Variants in GLIS3 observed in about 807,000 individuals in gnomAD.
GLIS3 encodes the protein GLIS family zinc finger 3.
A neutral mutation model predicts 78.6 loss-of-function variants in GLIS3; 53 were observed. The ratio of observed to expected loss-of-function variants is 0.67; its 90% CI spans 0.54 to 0.85. The LOEUF is 0.85. Among genes scored for constraint, GLIS3 ranks in the 40% least tolerant of loss-of-function variants. The pLI, the probability that GLIS3 is intolerant of heterozygous loss-of-function variation, is 0.00. For missense variants in GLIS3, 1,703 were observed against 1,231.1 expected (o/e 1.38, Z -5.74); for synonymous variants, 684 against 509.9 (o/e 1.34, Z -4.60).
chr9:4,063,229 T>A (rs1351993867), intron 4 of GLIS3, among the ~76,000 whole-genome samples: 1 of 152,218 alleles, frequency 6.6e-6, no homozygotes, highest in Non-Finnish European at 1.5e-5. Context: ...ATTACTCATA[T>A]GTGTTTTTAT....
chr9:4,023,839 AG>A (rs1328316994), intron 4 of GLIS3, among the ~76,000 whole-genome samples: 2 of 152,180 alleles, frequency 1.3e-5, no homozygotes, highest in East Asian at 1.9e-4. Flanking sequence ...ACCCTCAATT[AG>A]GTAAGTACAG....
At chr9:3,844,068 A>G (rs1006942673) in intron 9 of GLIS3, among the ~76,000 whole-genome samples, 3 of 152,240 alleles carry the variant, frequency 2.0e-5, no homozygotes, top group African/African-American at 4.8e-5. Flanking sequence ...TACGTAAACC[A>G]ACGAGAAATT....
chr9:4,212,795 G>C (rs993393815), intron 2 of GLIS3, among the ~76,000 whole-genome samples: 17 of 152,176 alleles, frequency 1.1e-4, no homozygotes, highest in African/African-American at 3.9e-4. Flanking sequence ...GCAATGAGTA[G>C]AAGAGAAGTT....
the GLIS3 span, among the ~76,000 whole-genome samples, chr9:4,373,670 CTT>C: frequency 0.011 from 1,478 of 139,682 alleles, 36 homozygotes; most frequent in African/African-American, 0.036. Context: ...ATTTTCTTTT[CTT>C]TTTTTTTTTT....
chr9:4,209,057 G>A (rs1301278695), intron 2 of GLIS3, among the ~76,000 whole-genome samples: 2 of 152,108 alleles, frequency 1.3e-5, no homozygotes, highest in Non-Finnish European at 2.9e-5. Context: ...TGTATCATAA[G>A]ATATATATAA....
At chr9:4,402,222 C>G in the GLIS3 span, among the ~76,000 whole-genome samples, 1 of 152,336 alleles carries the variant, frequency 6.6e-6, no homozygotes, top group African/African-American at 2.4e-5. Context: ...AAGAACAAGT[C>G]TCCAGAAAAT....
chr9:4,068,238 T>G (rs563477913), intron 4 of GLIS3, among the ~76,000 whole-genome samples: 1 of 152,270 alleles, frequency 6.6e-6, no homozygotes, highest in East Asian at 1.9e-4. Flanking sequence ...ATAAAAACAA[T>G]AATTTTTAAA....
rs747271220 is a variant in GLIS3, at chr9:4,160,677, A to G, written c.389-34736T>C. Among the ~76,000 whole-genome samples, 35 of 152,198 alleles carry G rather than the reference A, an allele frequency of 2.3e-4. 1 individual carries two copies. Among genetic ancestry groups the G allele is most frequent in the Non-Finnish European group, 4.9e-4 (33 of 68,028 alleles). The stretch of plus-strand genomic sequence containing the variant: ...ATTTTAGGTAAGACTTACTTTTCTT[A>G]TTACAATTTCAATATTTATCCCAGA... On this transcript the variant is annotated intron_variant, in intron 2 of 10. Coordinates refer to ENST00000381971, the MANE Select transcript of GLIS3 (RefSeq NM_001042413.2).
chr9:4,147,782 C>G (rs1834343126), intron 2 of GLIS3: 1 of 149,664 alleles, frequency 6.7e-6, no homozygotes, highest in African/African-American at 2.5e-5. Context: ...ACCCACCTTT[C>G]TGGAAGCAAA....
the GLIS3 span, among the ~76,000 whole-genome samples, chr9:4,479,907 T>C: frequency 5.0e-4 from 72 of 142,720 alleles, no homozygotes; most frequent in Non-Finnish European, 7.5e-4. Flanking sequence ...TCTTCTTCTT[T>C]TTTTTTTTTT....
In GLIS3 at chr9:4,320,807, ATTATGTC is replaced by A. The variant is rs201816537; in HGVS notation, n.265-10286_265-10280del. Among the ~76,000 whole-genome samples the A allele has an allele frequency of 1.1e-4, 17 of 152,268 alleles. No homozygotes were observed. The East Asian group carries it at 2.9e-3, about 26-fold the overall frequency. On this transcript the variant is annotated intron_variant and non_coding_transcript_variant, in intron 2 of 4. Transcript: ENST00000471664. ...CACTATTCCAAGCACCCAACATTGT[ATTATGTC>A]TTAAGAAGGCTTCCTAAGCGGTCCA...
chr9:4,134,059 G>C (rs778215254), intron 2 of GLIS3, among the ~76,000 whole-genome samples: 1 of 152,166 alleles, frequency 6.6e-6, no homozygotes, highest in Non-Finnish European at 1.5e-5. Context: ...CAGAAAATAA[G>C]TAAAATTTCA....
chr9:4,456,407 T>C, the GLIS3 span, among the ~76,000 whole-genome samples: 1,264 of 152,320 alleles, frequency 8.3e-3, 31 homozygotes, highest in African/African-American at 0.029. Context: ...AAGCTTTCTC[T>C]AGCATGTGAT....
At chr9:4,199,638 G>A (rs952755309) in intron 2 of GLIS3, among the ~76,000 whole-genome samples, 4 of 151,378 alleles carry the variant, frequency 2.6e-5, no homozygotes. Flanking sequence ...CCTAACATTG[G>A]AGCACTCATA....
intron 4 of GLIS3, among the ~76,000 whole-genome samples, chr9:3,982,326 G>T (rs550375877): frequency 6.6e-5 from 10 of 151,952 alleles, no homozygotes; most frequent in African/African-American, 2.4e-4. Context: ...CCTATCCAAG[G>T]CAATCTTGGC....
At chr9:4,173,597 CACACATAT>C (rs1290506534) in intron 2 of GLIS3, among the ~76,000 whole-genome samples, 1 of 108,318 alleles carries the variant, frequency 9.2e-6, no homozygotes, top group Non-Finnish European at 1.9e-5. Flanking sequence ...CACACACACA[CACACATAT>C]ATATGTTTGT....
rs974324960 is a variant in GLIS3 at position 3,937,130 on chromosome 9, G to A, written c.1770C>T (p.Ser590=). The change falls in exon 5 of 11, where the codon AGC becomes AGT. Residue 590 remains serine, a synonymous_variant. Coordinates refer to ENST00000381971, the MANE Select transcript of GLIS3 (RefSeq NM_001042413.2). ...RLENLKIHLR[S]HTGEKPYLCQ... ...ACAAATACGGCTTCTCGCCTGTGTG[G>A]CTCCGCAAGTGGATCTTGAGATTTT... 3 of 1,613,980 alleles carry A rather than the reference G, an allele frequency of 1.9e-6. No homozygotes were observed. The African/African-American group carries it at 4.0e-5, about 22-fold the overall frequency.
intron 2 of GLIS3, among the ~76,000 whole-genome samples, chr9:4,144,501 GGTT>G (rs1318716211): frequency 6.6e-6 from 1 of 152,140 alleles, no homozygotes; most frequent in Non-Finnish European, 1.5e-5. Flanking sequence ...ATAATTAGAT[GGTT>G]GTTTATACAT....
At chr9:4,008,164 C>G (rs1181518081) in intron 4 of GLIS3, among the ~76,000 whole-genome samples, 1 of 152,112 alleles carries the variant, frequency 6.6e-6, no homozygotes, top group African/African-American at 2.4e-5. Flanking sequence ...GTGGGCTTGG[C>G]CTAGTTTTTA....
Sources: allele counts gnomAD v4.1 joint callset (sites outside exome capture counted in the v4.1 genomes callset), GRCh38; gene constraint gnomAD v4.1.1; transcripts MANE v1.5; gene names NCBI Gene and HGNC (gene_info 2026-07-23, HGNC 2026-07-21).